C2orf80: variants seen among roughly 807,000 people sequenced by gnomAD.
The protein encoded by C2orf80 is uncharacterized protein C2orf80.
A neutral mutation model predicts 30.2 loss-of-function variants in C2orf80; 28 were observed. The ratio of observed to expected loss-of-function variants is 0.93; its 90% CI spans 0.69 to 1.27. The LOEUF (loss-of-function observed/expected upper bound fraction) is 1.27, where lower values mean the gene tolerates loss of function less well. Among genes scored for constraint, C2orf80 ranks in the 50% most tolerant of loss-of-function variants. The probability of loss-of-function intolerance (pLI) is 0.00; values close to 1 mark genes in which losing one functional copy is unlikely to be tolerated. For missense variants in C2orf80, 220 were observed against 231.0 expected (o/e 0.95, Z 0.31); for synonymous variants, 80 against 76.4 (o/e 1.05, Z -0.24).
At chr2:208,172,945 C>T (rs574250244) in intron 6 of C2orf80, among the ~76,000 whole-genome samples, 7 of 151,814 alleles carry the variant, frequency 4.6e-5, no homozygotes, top group Non-Finnish European at 8.8e-5. Context: ...GGCAAAACCC[C>T]GCCTCTACTA....
Position 208,172,070 on chromosome 2 carries a change from G to T in C2orf80, c.372C>A (p.Pro124=). The change falls in exon 7 of 9, where the codon CCC becomes CCA. Residue 124 remains proline, a synonymous_variant. Transcript: ENST00000341287. ...AGGAGAGGCAGAGAGATGAAACTCG[G>T]GGAACCTGAAAGGAAAACAGTCCTA... ...SSADSGTIKV[P]RVSSLCLSLH... 6.2e-7 allele frequency: 1 copy of T among 1,612,728 alleles called. No individual in the cohort carries two copies. Among genetic ancestry groups the T allele is most frequent in the Admixed American group, 1.7e-5 (1 of 59,996 alleles).
chr2:208,173,369 A>G (rs1201906012), intron 6 of C2orf80, among the ~76,000 whole-genome samples: 1 of 152,192 alleles, frequency 6.6e-6, no homozygotes, highest in African/African-American at 2.4e-5. Flanking sequence ...TCAAGCGTGT[A>G]ATCTCAGCAC....
At chr2:208,180,668 TACA>T in intron 6 of C2orf80, 74 bp downstream of exon 6, 4 of 1,124,344 alleles carry the variant, frequency 3.6e-6, no homozygotes, top group Non-Finnish European at 5.2e-6. Context: ...TGTCTGAAAA[TACA>T]ACATTATACA....
At chr2:208,189,043 G>A (rs1044773260) in intron 1 of C2orf80, among the ~76,000 whole-genome samples, 8 of 152,086 alleles carry the variant, frequency 5.3e-5, no homozygotes, top group African/African-American at 1.9e-4. Context: ...AGATGGGCCT[G>A]GTTAACATTG....
intron 2 of C2orf80, 44 bp from the exon 3 acceptor site, chr2:208,185,076 G>A (rs114033945): frequency 6.9e-5 from 102 of 1,479,830 alleles, no homozygotes; most frequent in Non-Finnish European, 9.1e-5. Context: ...AGTGACACGG[G>A]CTCAGTCTGC....
intron 6 of C2orf80, among the ~76,000 whole-genome samples, chr2:208,175,680 A>C (rs904602885): frequency 6.6e-6 from 1 of 152,098 alleles, no homozygotes; most frequent in Non-Finnish European, 1.5e-5. Context: ...GAGACATTTT[A>C]TCGGAAGGAA....
chr2:208,174,325 T>C (rs1696207327), intron 6 of C2orf80, among the ~76,000 whole-genome samples: 2 of 152,168 alleles, frequency 1.3e-5, no homozygotes, highest in Non-Finnish European at 2.9e-5. Context: ...GAAAACATTT[T>C]AAAATTTCTG....
chr2:208,189,522 G>A (rs1040886670), intron 1 of C2orf80, among the ~76,000 whole-genome samples: 3 of 152,304 alleles, frequency 2.0e-5, no homozygotes, highest in East Asian at 3.9e-4. Context: ...TAAAACAAGC[G>A]TTGAATGATT....
intron 3 of C2orf80, 52 bp from the exon 4 acceptor site, chr2:208,183,099 A>T: frequency 6.9e-7 from 1 of 1,452,194 alleles, no homozygotes; most frequent in Non-Finnish European, 9.7e-7. Flanking sequence ...CATTGGCCGA[A>T]GTACTCCCTG....
rs114292062 is a variant in C2orf80 at position 208,169,197 on chromosome 2, G to T, written c.573+1748C>A. 8.2e-3 allele frequency among the ~76,000 whole-genome samples: 1,227 copies of T among 148,782 alleles called. 17 individuals are homozygous for T. The highest frequency in any genetic ancestry group is 0.028 in the African/African-American group (1,118 of 40,398). On this transcript the variant is annotated intron_variant, in intron 8 of 8. Coordinates refer to ENST00000341287, the MANE Select transcript of C2orf80 (RefSeq NM_001099334.3). ...TACATAGGGTCCATTGATGAGGCTTGCGGGGGGTGTCTATAAACCCCTGTT... is the reference window on the plus strand; with the variant it reads ...TACATAGGGTCCATTGATGAGGCTTTCGGGGGGTGTCTATAAACCCCTGTT...
intron 6 of C2orf80, among the ~76,000 whole-genome samples, chr2:208,177,317 G>C (rs1219188130): frequency 6.6e-6 from 1 of 151,634 alleles, no homozygotes; most frequent in East Asian, 1.9e-4. Context: ...TGAGGTGGGT[G>C]GATCACCTGA....
At chr2:208,185,088 GA>G in intron 2 of C2orf80, 56 bp from the exon 3 acceptor site, 1 of 1,343,356 alleles carries the variant, frequency 7.4e-7, no homozygotes, top group Non-Finnish European at 1.0e-6. Flanking sequence ...TCAGTCTGCA[GA>G]AAAAGGCTTT....
intron 8 of C2orf80, chr2:208,168,373 A>G (rs13414543): frequency 0.23 from 74,359 of 324,956 alleles, 10,959 homozygotes; most frequent in East Asian, 0.56. Context: ...AGTTTAAAAG[A>G]TACATTACCC....
intron 8 of C2orf80, among the ~76,000 whole-genome samples, chr2:208,167,367 C>T (rs1004525230): frequency 2.0e-5 from 3 of 151,570 alleles, no homozygotes; most frequent in Non-Finnish European, 2.9e-5. Flanking sequence ...ACTAAAAATA[C>T]AAAAATTAGC....
chr2:208,175,543 C>G lies in C2orf80; in HGVS notation c.367-3468G>C, dbSNP rs548155639. On this transcript the variant is annotated intron_variant, in intron 6 of 8. Coordinates refer to ENST00000341287, the MANE Select transcript of C2orf80 (RefSeq NM_001099334.3). ...AGCACATAATCCCGGAGAAAGCCATCCAGCCTAGCACAGTACCCATATTGT... is the reference window on the plus strand; with the variant it reads ...AGCACATAATCCCGGAGAAAGCCATGCAGCCTAGCACAGTACCCATATTGT... 4.6e-5 allele frequency among the ~76,000 whole-genome samples: 7 copies of G among 152,240 alleles called. 1 individual carries two copies. Among genetic ancestry groups the G allele is most frequent in the African/African-American group, 1.4e-4 (6 of 41,552 alleles).
chr2:208,167,517 G>A (rs1381412495), intron 8 of C2orf80, among the ~76,000 whole-genome samples: 7 of 151,652 alleles, frequency 4.6e-5, no homozygotes, highest in Non-Finnish European at 1.5e-5. Flanking sequence ...GCAAGACTCT[G>A]TCTCAAAAAA....
chr2:208,183,587 C>T (rs976376075), intron 3 of C2orf80, among the ~76,000 whole-genome samples: 2 of 151,990 alleles, frequency 1.3e-5, no homozygotes, highest in African/African-American at 2.4e-5. Context: ...GAGGGATGGG[C>T]CGTTTTATGT....
At position 208,176,953 on chromosome 2, in the gene C2orf80, C is replaced by CAGATATGTATACATATGTATACAGATA. The variant is rs1559340548; in HGVS notation, c.366+3791_366+3792insTATCTGTATACATATGTATACATATCT. On this transcript the variant is annotated intron_variant, in intron 6 of 8. Transcript: ENST00000341287. ...TATGTATACATATCTGTATACATAT[C>CAGATATGTATACATATGTATACAGATA]TGTATACATATGTATACATATATAC... 1.0e-2 allele frequency among the ~76,000 whole-genome samples: 51 copies of CAGATATGTATACATATGTATACAGATA among 5,116 alleles called. 5 individuals carry two copies. The highest frequency in any genetic ancestry group is 0.017 in the Non-Finnish European group (33 of 1,976). The allele number at this position is 5,116 out of a possible 152,430, so 3.4% of individuals were successfully genotyped here.
intron 6 of C2orf80, among the ~76,000 whole-genome samples, chr2:208,177,068 TAC>T (rs1183626459): frequency 2.2e-3 from 301 of 137,062 alleles, no homozygotes; most frequent in African/African-American, 7.9e-3. Context: ...TGTATACATA[TAC>T]GTATATAGAT....
Sources: gnomAD v4.1 joint callset for allele counts (sites outside exome capture counted in the v4.1 genomes callset) on GRCh38, gnomAD v4.1.1 for gene constraint, MANE v1.5 for transcripts, NCBI Gene and HGNC (gene_info 2026-07-23, HGNC 2026-07-21) for gene names.